DPP6: variants seen among roughly 807,000 people sequenced by gnomAD.
DPP6 encodes the protein A-type potassium channel modulatory protein DPP6.
In DPP6, 69 loss-of-function variants were observed where a neutral mutation model predicts 122.6. The observed-to-expected ratio is 0.56, with a 90% CI of 0.46 to 0.69. The LOEUF is 0.69. Ranked by LOEUF, DPP6 falls within the 30% of genes least tolerant of loss-of-function variation. DPP6 has a pLI of 0.00. For missense variants in DPP6, 928 were observed against 1,116.9 expected, an observed-to-expected ratio of 0.83 and a Z score of 2.41; for synonymous variants, 418 against 433.1, an observed-to-expected ratio of 0.97 and a Z score of 0.43.
rs566763802 is a variant in DPP6 at position 154,885,829 on chromosome 7, C to T, written c.2245+85C>T. The T allele has an allele frequency of 1.0e-4, 154 of 1,509,430 alleles. No homozygotes were observed. In the Middle Eastern group the frequency reaches 2.2e-3, roughly 21 times the overall value. 93.5% of individuals were successfully genotyped at this position (1,509,430 alleles called of 1,614,324 possible). On this transcript the variant is annotated intron_variant, in intron 22 of 25. Coordinates refer to ENST00000377770, the MANE Select transcript of DPP6 (RefSeq NM_130797.4). ...CTGCGTGGCCCCACAGCCCTCCCTT[C>T]AGCACCACCGTCCCGCTAACCACAG...
At chr7:154,465,053 G>A (rs1821665742) in intron 2 of DPP6, among the ~76,000 whole-genome samples, 3 of 152,172 alleles carry the variant, frequency 2.0e-5, no homozygotes, top group African/African-American at 7.2e-5. Flanking sequence ...AAAGTTACAT[G>A]AATGTGTTAT....
At chr7:153,814,536 G>C in the DPP6 span, among the ~76,000 whole-genome samples, 1 of 152,084 alleles carries the variant, frequency 6.6e-6, no homozygotes, top group South Asian at 2.1e-4. Flanking sequence ...GGTACAAGGA[G>C]GAACTGGTAC....
intron 7 of DPP6, among the ~76,000 whole-genome samples, chr7:154,725,067 T>A (rs1456234437): frequency 6.6e-6 from 1 of 152,166 alleles, no homozygotes; most frequent in Non-Finnish European, 1.5e-5. Context: ...ACTGTCCTGC[T>A]TAGAGTCTGG....
Position 154,379,632 on chromosome 7 carries a change from G to A in DPP6, c.244-66582G>A, listed in dbSNP as rs764839421. The stretch of plus-strand genomic sequence containing the variant: ...AAGCATTGTGGATATAGAAAAGCAT[G>A]ATTATGCAATTCCCAATATCATAAT... On this transcript the variant is annotated intron_variant, in intron 1 of 25. Coordinates refer to ENST00000377770, the MANE Select transcript of DPP6 (RefSeq NM_130797.4). 3.3e-5 allele frequency among the ~76,000 whole-genome samples: 5 copies of A among 152,306 alleles called. No homozygotes were observed. The South Asian group carries it at 1.0e-3, about 32-fold the overall frequency.
At chr7:154,665,896 T>C (rs1838119871) in intron 6 of DPP6, among the ~76,000 whole-genome samples, 1 of 152,112 alleles carries the variant, frequency 6.6e-6, no homozygotes, top group African/African-American at 2.4e-5. Context: ...TTATCTCCAA[T>C]ATATTTACAT....
Position 154,481,992 on chromosome 7 carries a change from C to A in DPP6, c.457+6955C>A, listed in dbSNP as rs1823345773. On this transcript the variant is annotated intron_variant, in intron 3 of 25. Transcript: ENST00000377770. The surrounding 1 kb of genome is among the most constrained non-coding windows in gnomAD (Gnocchi z 4.2). ...TCCACGAAGACTTCTTGGGCATTTT[C>A]TCATTTGATACTTAAACAGCCTAGT... Among the ~76,000 whole-genome samples the A allele has an allele frequency of 6.6e-6, 1 of 152,204 alleles. No homozygotes were observed.
intron 5 of DPP6, among the ~76,000 whole-genome samples, chr7:154,576,666 G>A (rs1295923185): frequency 2.0e-5 from 3 of 152,220 alleles, no homozygotes; most frequent in South Asian, 2.1e-4. Flanking sequence ...ATGCAAGAGC[G>A]GTCTCAGCAG....
intron 19 of DPP6, among the ~76,000 whole-genome samples, chr7:154,874,722 T>A (rs79816060): frequency 0.2 from 30,320 of 152,048 alleles, 3,584 homozygotes; most frequent in East Asian, 0.54. Flanking sequence ...CACTCTCAGT[T>A]GGGGCACTGC....
intron 1 of DPP6, among the ~76,000 whole-genome samples, chr7:154,197,186 T>G (rs1261541059): frequency 6.6e-6 from 1 of 151,726 alleles, no homozygotes; most frequent in African/African-American, 2.4e-5. Context: ...ATTGATATTG[T>G]GATAGCAGTG....
chr7:154,612,277 G>T (rs967253654), intron 5 of DPP6, among the ~76,000 whole-genome samples: 1 of 152,178 alleles, frequency 6.6e-6, no homozygotes, highest in Admixed American at 6.5e-5. Context: ...GAGCAGTTCT[G>T]TCATGAGGAC....
At chr7:153,761,340 A>G in the DPP6 span, among the ~76,000 whole-genome samples, 3 of 152,250 alleles carry the variant, frequency 2.0e-5, no homozygotes, top group Admixed American at 6.5e-5. Context: ...GAGAAATTTT[A>G]AATTAGGCTA....
intron 7 of DPP6, among the ~76,000 whole-genome samples, chr7:154,722,354 A>G (rs1406419853): frequency 6.6e-6 from 1 of 152,238 alleles, no homozygotes; most frequent in African/African-American, 2.4e-5. Context: ...TCTGGAGCAC[A>G]CTGAGCTGGT....
At chr7:153,757,524 T>C in the DPP6 span, among the ~76,000 whole-genome samples, 6 of 152,190 alleles carry the variant, frequency 3.9e-5, no homozygotes, top group Admixed American at 2.6e-4. Context: ...GATCTTAGCA[T>C]TGGTTGAGTG....
chr7:153,876,249 AT>A, the DPP6 span, among the ~76,000 whole-genome samples: 8 of 152,170 alleles, frequency 5.3e-5, no homozygotes, highest in East Asian at 1.4e-3. Context: ...AAGAAAAAAA[AT>A]CAATAAGGAT....
intron 23 of DPP6, among the ~76,000 whole-genome samples, chr7:154,888,055 C>T (rs368762279): frequency 1.1e-4 from 17 of 151,344 alleles, no homozygotes; most frequent in African/African-American, 3.6e-4. Context: ...GCTCTCCCTA[C>T]AGCCAGAGCT....
intron 1 of DPP6, among the ~76,000 whole-genome samples, chr7:154,247,312 CAAAAAA>C (rs1372844657): frequency 6.6e-6 from 1 of 151,358 alleles, no homozygotes; most frequent in East Asian, 1.9e-4. Context: ...GACTCAGTCT[CAAAAAA>C]GAAAAAGAAT....
chr7:154,212,427 G>A (rs1799789489), intron 1 of DPP6, among the ~76,000 whole-genome samples: 1 of 152,184 alleles, frequency 6.6e-6, no homozygotes, highest in African/African-American at 2.4e-5. Flanking sequence ...GACTCTATTT[G>A]CCTTAAATAA....
At chr7:154,311,626 T>A (rs1806899290) in intron 1 of DPP6, among the ~76,000 whole-genome samples, 1 of 152,188 alleles carries the variant, frequency 6.6e-6, no homozygotes, top group African/African-American at 2.4e-5. Flanking sequence ...ATGTGTTTCT[T>A]GAAGTGGGGA....
chr7:153,767,547 T>TG, the DPP6 span, among the ~76,000 whole-genome samples: 1 of 150,672 alleles, frequency 6.6e-6, no homozygotes, highest in African/African-American at 2.4e-5. Flanking sequence ...TTTTTTTTTT[T>TG]TTTGTATTTT....
Sources: gnomAD v4.1 joint callset for allele counts (sites outside exome capture counted in the v4.1 genomes callset) on GRCh38, gnomAD v4.1.1 for gene constraint, Gnocchi (gnomAD v3.1) non-coding constraint, MANE v1.5 for transcripts, NCBI Gene and HGNC (gene_info 2026-07-23, HGNC 2026-07-21) for gene names.